Variants in RCC1L observed in about 807,000 individuals in gnomAD.
RCC1L encodes RCC1 like.
Under a neutral mutation model 58.6 loss-of-function variants are expected in RCC1L, and 46 were observed. That is an observed-to-expected ratio of 0.79 (90% CI 0.62 to 1.00). RCC1L has a LOEUF of 1.00. Among genes scored for constraint, RCC1L ranks in the 50% least tolerant of loss-of-function variants. RCC1L has a pLI of 0.00. For synonymous variants in RCC1L, 281 were observed against 262.9 expected (o/e 1.07, Z -0.67); for missense variants, 636 against 623.6 (o/e 1.02, Z -0.21).
downstream of RCC1L, among the ~76,000 whole-genome samples, chr7:75,041,169 G>A (rs1032754312): frequency 6.6e-5 from 10 of 151,812 alleles, no homozygotes; most frequent in South Asian, 4.2e-4. Context: ...AGCCGAGATC[G>A]CGCCACTGCA....
intron 8 of RCC1L, 33 bp downstream of exon 8, chr7:75,057,496 C>T: frequency 6.2e-7 from 1 of 1,609,458 alleles, no homozygotes; most frequent in South Asian, 1.1e-5. Context: ...CTACCTACAG[C>T]TTCCCAATGA....
chr7:75,072,161 C>CTATATATATATATAT, intron 1 of RCC1L, among the ~76,000 whole-genome samples: 1 of 46,366 alleles, frequency 2.2e-5, no homozygotes, highest in Non-Finnish European at 4.6e-5. Flanking sequence ...TATACATATA[C>CTATATATATATATAT]ATATATATAT....
chr7:75,054,824 C>T (rs1806024926), intron 9 of RCC1L, among the ~76,000 whole-genome samples: 1 of 152,206 alleles, frequency 6.6e-6, no homozygotes, highest in African/African-American at 2.4e-5. Flanking sequence ...GCTGCAAATG[C>T]AAGTGGCCAC....
chr7:75,056,602 A>AT (rs1413595487), intron 8 of RCC1L: 5 of 1,534,746 alleles, frequency 3.3e-6, no homozygotes, highest in Non-Finnish European at 4.4e-6. Context: ...TCTGCCTTTG[A>AT]TTTTTTGGCT....
intron 9 of RCC1L, among the ~76,000 whole-genome samples, chr7:75,053,606 G>A (rs1469227935): frequency 1.3e-5 from 2 of 152,142 alleles, no homozygotes; most frequent in Middle Eastern, 6.3e-3. Flanking sequence ...TGTAAAAACT[G>A]TCATGAAGAA....
At chr7:75,044,405 C>G (rs904628163) in intron 10 of RCC1L, among the ~76,000 whole-genome samples, 10 of 151,624 alleles carry the variant, frequency 6.6e-5, no homozygotes, top group Non-Finnish European at 1.3e-4. Flanking sequence ...TCAAGACCAG[C>G]CTGGCCAACA....
intron 2 of RCC1L, among the ~76,000 whole-genome samples, chr7:75,068,933 G>C (rs1027497830): frequency 6.7e-6 from 1 of 149,750 alleles, no homozygotes; most frequent in Admixed American, 6.6e-5. Flanking sequence ...GCAGTGGTGC[G>C]ATCTCGGCTC....
Position 75,058,555 on chromosome 7 carries a change from C to A in RCC1L, c.969+33G>T. ...CCCTTAACACTTTAATGTTTCCAAA[C>A]CTCCCAGCACCACGCTGTCGGCGAC... is the stretch of plus-strand genomic sequence containing the variant. On this transcript the variant is annotated intron_variant, in intron 7 of 10. Transcript: ENST00000610322. 1.9e-6 allele frequency: 3 copies of A among 1,559,616 alleles called. No homozygotes were observed. In the South Asian group the frequency reaches 3.5e-5, roughly 18 times the overall value.
At chr7:75,030,817 G>A (rs1389482860) in intron 10 of RCC1L, among the ~76,000 whole-genome samples, 1 of 152,194 alleles carries the variant, frequency 6.6e-6, no homozygotes, top group Non-Finnish European at 1.5e-5. Flanking sequence ...GGCTGGGGCT[G>A]CCCGTGCTGA....
intron 9 of RCC1L, among the ~76,000 whole-genome samples, chr7:75,053,098 G>A (rs1173796935): frequency 2.2e-5 from 3 of 137,232 alleles, no homozygotes; most frequent in Non-Finnish European, 3.2e-5. Context: ...TGGAGCTGGG[G>A]TCTGGGGGTG....
chr7:75,057,192 T>TG (rs1806107949), intron 8 of RCC1L, among the ~76,000 whole-genome samples: 1 of 152,042 alleles, frequency 6.6e-6, no homozygotes, highest in Non-Finnish European at 1.5e-5. Flanking sequence ...AGGCTGGTCT[T>TG]GAACTCCTGA....
intron 10 of RCC1L, among the ~76,000 whole-genome samples, chr7:75,033,262 T>C (rs1200395035): frequency 6.6e-6 from 1 of 151,910 alleles, no homozygotes; most frequent in African/African-American, 2.4e-5. Flanking sequence ...AAAGGGGTGC[T>C]GTGCTTGGAC....
intron 6 of RCC1L, among the ~76,000 whole-genome samples, chr7:75,059,401 G>C (rs1554444308): frequency 6.6e-6 from 1 of 151,456 alleles, no homozygotes; most frequent in Non-Finnish European, 1.5e-5. Context: ...CTCCCAAGTA[G>C]CTGAGATTAC....
At chr7:75,073,305 A>C (rs1377723950) in intron 1 of RCC1L, 109 bp downstream of exon 1, 1 of 489,746 alleles carries the variant, frequency 2.0e-6, no homozygotes, top group African/African-American at 2.0e-5. Context: ...TCCTGCCGGA[A>C]GTCTGTCCAC....
At chr7:75,051,180 T>A (rs868921676) in intron 10 of RCC1L, among the ~76,000 whole-genome samples, 129,694 of 146,342 alleles carry the variant, frequency 0.89, 57,466 homozygotes, top group East Asian at 0.96. Context: ...TTGGAAAAAA[T>A]ATATATATAT....
chr7:75,049,689 G>A (rs1805847320), intron 10 of RCC1L, among the ~76,000 whole-genome samples: 2 of 151,446 alleles, frequency 1.3e-5, no homozygotes, highest in South Asian at 2.1e-4. Flanking sequence ...AAAAATCCTG[G>A]GCAACACGGC....
At chr7:75,037,275 C>T (rs1323842833), downstream of RCC1L, among the ~76,000 whole-genome samples, 1 of 152,024 alleles carries the variant, frequency 6.6e-6, no homozygotes, top group Non-Finnish European at 1.5e-5. Context: ...AACTCTGCCT[C>T]CCTGGTTCAA....
downstream of RCC1L, among the ~76,000 whole-genome samples, chr7:75,039,288 CTT>C (rs1265476594): frequency 2.0e-5 from 3 of 152,252 alleles, no homozygotes; most frequent in Admixed American, 6.5e-5. Context: ...GCACTGGGCA[CTT>C]GGCCTCAGAA....
At chr7:75,040,561 C>T (rs1805531521), downstream of RCC1L, among the ~76,000 whole-genome samples, 1 of 152,082 alleles carries the variant, frequency 6.6e-6, no homozygotes, top group Non-Finnish European at 1.5e-5. Flanking sequence ...CCTCCATCCC[C>T]CATCCTCACC....
Sources: allele counts gnomAD v4.1 joint callset (sites outside exome capture counted in the v4.1 genomes callset), GRCh38; gene constraint gnomAD v4.1.1; transcripts MANE v1.5; gene names NCBI Gene and HGNC (gene_info 2026-07-23, HGNC 2026-07-21).